Variants in FERRY3 observed in about 807,000 individuals in gnomAD.
FERRY3 encodes protein C12orf4.
At chr12:4,507,679 TAAC>T in the FERRY3 span, among the ~76,000 whole-genome samples, 1 of 152,190 alleles carries the variant, frequency 6.6e-6, no homozygotes, top group Non-Finnish European at 1.5e-5. Context: ...GACTGATTAA[TAAC>T]AGGATATCCT....
chr12:4,526,495 T>C, the FERRY3 span, among the ~76,000 whole-genome samples: 1 of 152,188 alleles, frequency 6.6e-6, no homozygotes, highest in Non-Finnish European at 1.5e-5. Context: ...AAAACACAGA[T>C]ATAAACTAAG....
At chr12:4,515,505 ACCTGGAGGACACTAAGCAT>A in the FERRY3 span, among the ~76,000 whole-genome samples, 31 of 152,226 alleles carry the variant, frequency 2.0e-4, no homozygotes, top group African/African-American at 6.8e-4. Context: ...ACATGGATTG[ACCTGGAGGACACTAAGCAT>A]CCTGGAGGAT....
chr12:4,530,224 GAAAAA>G, the FERRY3 span, among the ~76,000 whole-genome samples: 3 of 148,480 alleles, frequency 2.0e-5, no homozygotes, highest in Admixed American at 6.7e-5. Context: ...TCTAAGCACA[GAAAAA>G]AAAAATGTGG....
the FERRY3 span, chr12:4,525,008 A>C: frequency 2.8e-6 from 1 of 352,912 alleles, no homozygotes; most frequent in Non-Finnish European, 5.1e-6. Context: ...GTATTTAAGT[A>C]TTTAGGTGTA....
the FERRY3 span, among the ~76,000 whole-genome samples, chr12:4,531,096 T>C: frequency 7.2e-5 from 11 of 152,228 alleles, no homozygotes. Context: ...ACAGCTATCT[T>C]GAACTCAGTC....
chr12:4,525,224 A>G, the FERRY3 span: 2 of 1,603,552 alleles, frequency 1.2e-6, no homozygotes, highest in African/African-American at 1.3e-5. Context: ...ATGGACTACT[A>G]TATGAATAAG....
the FERRY3 span, among the ~76,000 whole-genome samples, chr12:4,499,681 A>C: frequency 7.2e-5 from 11 of 152,186 alleles, no homozygotes; most frequent in Admixed American, 7.2e-4. Context: ...GTCATCTAGC[A>C]TCTCTTCCCA....
At chr12:4,493,791 A>C in the FERRY3 span, among the ~76,000 whole-genome samples, 1 of 152,254 alleles carries the variant, frequency 6.6e-6, no homozygotes, top group Non-Finnish European at 1.5e-5. Flanking sequence ...GAACGAGGTG[A>C]CTAAGAAATG....
chr12:4,510,267 G>C, the FERRY3 span, among the ~76,000 whole-genome samples: 30 of 149,002 alleles, frequency 2.0e-4, no homozygotes, highest in Admixed American at 7.9e-4. Flanking sequence ...ATCTATGTCT[G>C]ATTGGTGTAC....
chr12:4,494,325 A>G, the FERRY3 span, among the ~76,000 whole-genome samples: 1 of 152,076 alleles, frequency 6.6e-6, no homozygotes, highest in African/African-American at 2.4e-5. Context: ...TGATGAGCTA[A>G]AGTTTTGAAT....
chr12:4,522,145 A>G, the FERRY3 span, among the ~76,000 whole-genome samples: 1 of 152,198 alleles, frequency 6.6e-6, no homozygotes, highest in Non-Finnish European at 1.5e-5. Context: ...GGGGAAGACT[A>G]TGCATTTGTA....
the FERRY3 span, among the ~76,000 whole-genome samples, chr12:4,507,921 G>A: frequency 8.5e-5 from 13 of 152,210 alleles, no homozygotes; most frequent in Admixed American, 8.5e-4. Context: ...GGGTACCTCT[G>A]AAGAGGGAAA....
the FERRY3 span, chr12:4,491,367 G>A: frequency 3.5e-4 from 238 of 682,658 alleles, 2 homozygotes; most frequent in African/African-American, 3.8e-3. Flanking sequence ...AATCCCAACT[G>A]GATTTCCTCT....
the FERRY3 span, chr12:4,516,909 T>G: frequency 1.3e-6 from 1 of 749,136 alleles, no homozygotes; most frequent in Non-Finnish European, 1.8e-6. Flanking sequence ...CATTTTGATG[T>G]TCTTTCTAAA....
At chr12:4,511,356 G>A in the FERRY3 span, among the ~76,000 whole-genome samples, 12 of 151,852 alleles carry the variant, frequency 7.9e-5, no homozygotes, top group East Asian at 3.9e-4. Flanking sequence ...ACAAGGATAC[G>A]CAGGAACTGA....
At chr12:4,517,066 G>T in the FERRY3 span, 1 of 1,549,168 alleles carries the variant, frequency 6.5e-7, no homozygotes, top group Non-Finnish European at 8.7e-7. Context: ...CCCACCAAGT[G>T]ATTCTTTCAA....
At chr12:4,508,290 ATAC>A in the FERRY3 span, among the ~76,000 whole-genome samples, 1 of 152,232 alleles carries the variant, frequency 6.6e-6, no homozygotes, top group Admixed American at 6.5e-5. Context: ...TGCACCTAAA[ATAC>A]TACAATGGTT....
At chr12:4,515,826 G>C in the FERRY3 span, among the ~76,000 whole-genome samples, 1 of 152,014 alleles carries the variant, frequency 6.6e-6, no homozygotes, top group Non-Finnish European at 1.5e-5. Flanking sequence ...ACAGAAAAGT[G>C]GTAACTATCT....
chr12:4,510,336 G>C, the FERRY3 span, among the ~76,000 whole-genome samples: 14 of 140,122 alleles, frequency 1.0e-4, no homozygotes, highest in Admixed American at 1.0e-3. Flanking sequence ...ATATTATCCA[G>C]GAGAACTTCC....
Sources: allele counts gnomAD v4.1 joint callset (sites outside exome capture counted in the v4.1 genomes callset), GRCh38; gene constraint gnomAD v4.1.1; transcripts MANE v1.5; gene names NCBI Gene and HGNC (gene_info 2026-07-23, HGNC 2026-07-21).